The following ITPR1 variants were observed in gnomAD, a reference collection of about 807,000 sequenced individuals.
ITPR1 encodes inositol 1,4,5-trisphosphate-gated calcium channel ITPR1.
A neutral mutation model predicts 318.4 loss-of-function variants in ITPR1; 96 were observed. The observed-to-expected ratio is 0.30, with a 90% CI of 0.26 to 0.36. The LOEUF is 0.36. Ranked by LOEUF, ITPR1 falls within the 10% of genes least tolerant of loss-of-function variation. The pLI is 1.00. For synonymous variants in ITPR1, 1,312 were observed against 1,289.9 expected, an observed-to-expected ratio of 1.02 and a Z score of -0.37; for missense variants, 2,440 against 3,460.2, an observed-to-expected ratio of 0.71 and a Z score of 7.40.
At chr3:4,733,647 G>A (rs3792492) in intron 43 of ITPR1, among the ~76,000 whole-genome samples, 1,812 of 152,192 alleles carry the variant, frequency 0.012, 41 homozygotes, top group South Asian at 0.081. Context: ...TGCATTCTTT[G>A]TCTCATTTTC....
chr3:4,687,966 G>T (rs2094422969), intron 30 of ITPR1, among the ~76,000 whole-genome samples: 1 of 152,318 alleles, frequency 6.6e-6, no homozygotes, highest in South Asian at 2.1e-4. Flanking sequence ...TTAAAAAGGT[G>T]AACCCAAGAG....
chr3:4,712,501 G>A (rs2041455052), intron 39 of ITPR1, among the ~76,000 whole-genome samples: 1 of 152,210 alleles, frequency 6.6e-6, no homozygotes, highest in South Asian at 2.1e-4. Flanking sequence ...CAAATGATGG[G>A]CGTGAATTGA....
intron 32 of ITPR1, among the ~76,000 whole-genome samples, chr3:4,692,766 T>C (rs1471901101): frequency 2.2e-5 from 1 of 46,272 alleles, no homozygotes; most frequent in Admixed American, 2.0e-4. Flanking sequence ...AGTAATTTGT[T>C]GATTGAAGAG....
chr3:4,724,084 T>A (rs752500650), intron 40 of ITPR1, among the ~76,000 whole-genome samples: 43 of 152,290 alleles, frequency 2.8e-4, no homozygotes, highest in Non-Finnish European at 5.0e-4. Flanking sequence ...CTCATGTCCT[T>A]CCTACCACCA....
intron 43 of ITPR1, 31 bp downstream of exon 43, chr3:4,733,251 G>A (rs1385642160): frequency 8.1e-6 from 13 of 1,609,902 alleles, no homozygotes; most frequent in Non-Finnish European, 1.1e-5. Flanking sequence ...ACCTTCGTGT[G>A]TGAATCAAGT....
intron 4 of ITPR1, among the ~76,000 whole-genome samples, chr3:4,586,966 T>C (rs4684425): frequency 0.91 from 137,672 of 152,052 alleles, 62,481 homozygotes; most frequent in Middle Eastern, 0.97. Flanking sequence ...CTCTAAGGCA[T>C]TGATTCCCAA....
intron 4 of ITPR1, among the ~76,000 whole-genome samples, chr3:4,572,537 C>G (rs2088133171): frequency 6.6e-6 from 1 of 152,082 alleles, no homozygotes; most frequent in South Asian, 2.1e-4. Flanking sequence ...TTTTTATTTA[C>G]TAATATCACA....
At chr3:4,601,452 G>A (rs1197508456) in intron 4 of ITPR1, among the ~76,000 whole-genome samples, 4 of 151,292 alleles carry the variant, frequency 2.6e-5, no homozygotes, top group Admixed American at 6.6e-5. Context: ...CCAGGAGGTC[G>A]AGGCTGCACT....
At chr3:4,811,214 T>C (rs2048922497) in intron 55 of ITPR1, 51 bp from the exon 56 acceptor site, 1 of 1,332,052 alleles carries the variant, frequency 7.5e-7, no homozygotes, top group Admixed American at 2.8e-5. Context: ...GGGATAGTGA[T>C]GTACATCTAA....
rs201029025 is a variant in ITPR1, at chr3:4,836,735, CTTTTTTTTTTT to C, written c.8029-25_8029-15del. 0.16 allele frequency: 167,792 copies of C among 1,066,208 alleles called. 3,583 individuals are homozygous for C. Among genetic ancestry groups the C allele is most frequent in the Admixed American group, 0.25 (5,282 of 21,098 alleles). The allele number at this position is 1,066,208 out of a possible 1,614,324, so 66.0% of individuals were successfully genotyped here. A position where few individuals can be genotyped will look rare whatever the true frequency, so the allele number is the denominator to read the frequency against. On this transcript the variant is annotated intron_variant, in intron 60 of 61. Coordinates refer to ENST00000649015, the MANE Select transcript of ITPR1 (RefSeq NM_001378452.1). ...TTTTTACCTCTAGAAGTGACTCAGT[CTTTTTTTTTTT>C]TTTTTTTTTTTTTAATGTGGATTCT...
At chr3:4,606,412 A>G (rs2091705240) in intron 4 of ITPR1, among the ~76,000 whole-genome samples, 1 of 152,178 alleles carries the variant, frequency 6.6e-6, no homozygotes, top group Non-Finnish European at 1.5e-5. Flanking sequence ...TATCTGAGGC[A>G]GGTCTCAATC....
intron 53 of ITPR1, among the ~76,000 whole-genome samples, chr3:4,797,145 G>C (rs2047953245): frequency 1.3e-5 from 2 of 151,618 alleles, no homozygotes; most frequent in African/African-American, 4.9e-5. Flanking sequence ...GAGGAGATTT[G>C]ACCTGAGGCT....
intron 4 of ITPR1, among the ~76,000 whole-genome samples, chr3:4,561,571 A>G (rs1374471952): frequency 3.3e-5 from 5 of 152,202 alleles, no homozygotes; most frequent in Non-Finnish European, 7.3e-5. Context: ...TCAATATAGG[A>G]CAAAAAAGAA....
chr3:4,836,744 T>C, intron 60 of ITPR1, 30 bp from the exon 61 acceptor site: 1 of 890,234 alleles, frequency 1.1e-6, no homozygotes, highest in South Asian at 4.7e-5. Flanking sequence ...TCTTTTTTTT[T>C]TTTTTTTTTT....
chr3:4,676,476 A>G lies in ITPR1; in HGVS notation c.2780-138A>G, dbSNP rs143776312. 5,925 of 615,574 alleles carry G rather than the reference A, an allele frequency of 9.6e-3. 166 individuals carry two copies. Among genetic ancestry groups the G allele is most frequent in the African/African-American group, 0.068 (3,612 of 52,946 alleles). 38.1% of individuals were successfully genotyped at this position (615,574 alleles called of 1,614,324 possible). On this transcript the variant is annotated intron_variant, in intron 23 of 61. Transcript: ENST00000649015. ...ATTTTTGATGTGCATTTACCTTTCC[A>G]GGTTTCCAGGGTCCTGAGATTATGT... is the stretch of plus-strand genomic sequence containing the variant.
At chr3:4,552,810 C>T (rs1011973574) in intron 4 of ITPR1, among the ~76,000 whole-genome samples, 2 of 152,130 alleles carry the variant, frequency 1.3e-5, no homozygotes, top group Non-Finnish European at 2.9e-5. Flanking sequence ...CTAGAAGCTG[C>T]CTGGGGGCTG....
chr3:4,753,218 G>C (rs2044680923), intron 44 of ITPR1, among the ~76,000 whole-genome samples: 2 of 152,244 alleles, frequency 1.3e-5, no homozygotes, highest in African/African-American at 4.8e-5. Flanking sequence ...GAAAGTATCT[G>C]CTCCACCAGG....
chr3:4,546,030 T>A (rs903095862), intron 4 of ITPR1, among the ~76,000 whole-genome samples: 1 of 152,200 alleles, frequency 6.6e-6, no homozygotes, highest in African/African-American at 2.4e-5. Flanking sequence ...TAATTTGCTC[T>A]TGAGTAAAAC....
At chr3:4,732,783 A>G (rs1190975998) in intron 42 of ITPR1, among the ~76,000 whole-genome samples, 1 of 152,052 alleles carries the variant, frequency 6.6e-6, no homozygotes, top group Non-Finnish European at 1.5e-5. Flanking sequence ...TTATCAACTT[A>G]CCCCAAAGAG....
Sources: allele counts gnomAD v4.1 joint callset (sites outside exome capture counted in the v4.1 genomes callset), GRCh38; gene constraint gnomAD v4.1.1; transcripts MANE v1.5; gene names NCBI Gene and HGNC (gene_info 2026-07-23, HGNC 2026-07-21).